Variants in CLUAP1 observed in about 807,000 individuals in gnomAD.
CLUAP1 encodes clusterin-associated protein 1.
In CLUAP1, 50 loss-of-function variants were observed where a neutral mutation model predicts 55.0. That is an observed-to-expected ratio of 0.91 (90% CI 0.72 to 1.15). CLUAP1 has a LOEUF of 1.15. CLUAP1 is among the 50% of genes most tolerant of loss of function. CLUAP1 has a pLI of 0.00. For synonymous variants in CLUAP1, 195 were observed against 175.4 expected, an observed-to-expected ratio of 1.11 and a Z score of -0.88; for missense variants, 530 against 507.6, an observed-to-expected ratio of 1.04 and a Z score of -0.42.
At position 3,537,662 on chromosome 16, in the gene CLUAP1, CTGTCTT is replaced by C. The variant is rs1278240328; in HGVS notation, c.*1393_*1398del. On this transcript the variant is annotated 3_prime_UTR_variant, in exon 12 of 12. Transcript: ENST00000576634. ...CCAGCCTGGGTGACAGAGTGAGACC[CTGTCTT>C]TAAAAAAAAGAAAAAGAAAAGCACG... 6.6e-6 allele frequency: 1 copy of C among 151,688 alleles called. No individual in the cohort carries two copies. Among genetic ancestry groups the C allele is most frequent in the African/African-American group, 2.4e-5 (1 of 41,238 alleles). The allele number at this position is 151,688 out of a possible 1,614,324, so 9.4% of individuals were successfully genotyped here. A position where few individuals can be genotyped will look rare whatever the true frequency, so the allele number is the denominator to read the frequency against.
intron 9 of CLUAP1, among the ~76,000 whole-genome samples, chr16:3,529,139 C>T (rs2038006215): frequency 6.6e-6 from 1 of 151,800 alleles, no homozygotes; most frequent in African/African-American, 2.4e-5. Flanking sequence ...TATGCACATC[C>T]TCCCATATAC....
chr16:3,496,376 C>G (rs1216112146), upstream of CLUAP1: 7 of 1,182,734 alleles, frequency 5.9e-6, no homozygotes, highest in South Asian at 4.8e-5. Flanking sequence ...TCGCACCAAC[C>G]GGCCACCTCT....
intron 4 of CLUAP1, among the ~76,000 whole-genome samples, chr16:3,509,308 A>G (rs897532857): frequency 1.3e-5 from 2 of 152,124 alleles, no homozygotes; most frequent in African/African-American, 4.8e-5. Context: ...CCGTGTGATG[A>G]GGGTTGGGAT....
chr16:3,505,617 A>C (rs1275683967), intron 2 of CLUAP1, among the ~76,000 whole-genome samples: 3 of 151,892 alleles, frequency 2.0e-5, no homozygotes, highest in Non-Finnish European at 4.4e-5. Flanking sequence ...TATACCAGGA[A>C]GTCGTGAAAG....
chr16:3,495,559 C>T, the CLUAP1 span: 1 of 1,486,698 alleles, frequency 6.7e-7, no homozygotes. Context: ...TCCCAGCCTT[C>T]CTGGACCCCT....
chr16:3,496,135 C>T (rs183859740), upstream of CLUAP1: 42 of 386,880 alleles, frequency 1.1e-4, no homozygotes, highest in Admixed American at 1.4e-3. Context: ...AGCGAGACTC[C>T]GTCTCAAAAA....
intron 8 of CLUAP1, among the ~76,000 whole-genome samples, chr16:3,525,044 C>T (rs1484056191): frequency 2.6e-5 from 4 of 152,092 alleles, no homozygotes; most frequent in East Asian, 1.9e-4. Flanking sequence ...TTTTGTTGTC[C>T]AGGAGGGCTA....
chr16:3,525,652 C>A (rs535957636), intron 8 of CLUAP1, among the ~76,000 whole-genome samples: 6 of 152,152 alleles, frequency 3.9e-5, no homozygotes, highest in Non-Finnish European at 8.8e-5. Flanking sequence ...TAGCTTCAGA[C>A]CTCTTGGGCT....
At chr16:3,515,629 C>G in intron 6 of CLUAP1, 38 bp downstream of exon 6, 1 of 1,388,022 alleles carries the variant, frequency 7.2e-7, no homozygotes, top group Non-Finnish European at 1.0e-6. Context: ...TTTTTTATGC[C>G]TGGGATTCAA....
rs1338138515 is a variant in CLUAP1, at chr16:3,538,701, A to G, written c.*2430A>G. The G allele has an allele frequency of 6.6e-6, 1 of 152,238 alleles. No homozygotes were observed. The highest frequency in any genetic ancestry group is 1.5e-5 in the Non-Finnish European group (1 of 68,046). The allele number at this position is 152,238 out of a possible 1,614,324, so 9.4% of individuals were successfully genotyped here. Reference sequence around the variant, plus strand: ...ATCTGTTAGTTAACTGACTTTGTGCAAGGTCTCACCATGTATAGCACTGCC... The same window carrying G: ...ATCTGTTAGTTAACTGACTTTGTGCGAGGTCTCACCATGTATAGCACTGCC... On this transcript the variant is annotated 3_prime_UTR_variant, in exon 12 of 12. Transcript: ENST00000576634.
chr16:3,514,308 C>A (rs1437978563), intron 5 of CLUAP1, among the ~76,000 whole-genome samples: 1 of 152,130 alleles, frequency 6.6e-6, no homozygotes, highest in African/African-American at 2.4e-5. Flanking sequence ...ACCATGAGAC[C>A]CTGAATGTAG....
In CLUAP1 at chr16:3,515,575, C is replaced by G. The variant is rs1486212605; in HGVS notation, c.563C>G (p.Ala188Gly). ...INETEKVMRI[A>G]IKEILTQVQK... Reference sequence around the variant, plus strand: ...GAGACTGAAAAAGTGATGAGAATTGCAATAAAAGAGATTTTGGTAAGATGA... The same window carrying G: ...GAGACTGAAAAAGTGATGAGAATTGGAATAAAAGAGATTTTGGTAAGATGA... The change falls in exon 6 of 12, where the codon GCA becomes GGA. Residue 188 changes from alanine (A) to glycine (G), a missense_variant. By Grantham distance (60) the Ala-to-Gly change is moderately conservative. Coordinates refer to ENST00000576634, the MANE Select transcript of CLUAP1 (RefSeq NM_015041.3). 2 of 1,591,260 alleles carry G rather than the reference C, an allele frequency of 1.3e-6. No homozygotes were observed. The highest frequency in any genetic ancestry group is 1.9e-5 in the Admixed American group (1 of 53,076).
At position 3,526,416 on chromosome 16, in the gene CLUAP1, C is replaced by G; in HGVS notation, c.860C>G (p.Ala287Gly). Residue 287 changes from alanine to glycine, a missense_variant, in exon 9 of 12, where the codon GCT becomes GGT. Transcript: ENST00000576634. ...HRMEQERFEE[A>G]KNTLCLIQNK... Reference sequence around the variant, plus strand: ...TCTGTATTTCCTCTTCCACAGGAAGCTAAAAACACTCTCTGCCTGATACAG... The same window carrying G: ...TCTGTATTTCCTCTTCCACAGGAAGGTAAAAACACTCTCTGCCTGATACAG... 6.2e-7 allele frequency: 1 copy of G among 1,603,420 alleles called. No individual in the cohort carries two copies. Among genetic ancestry groups the G allele is most frequent in the East Asian group, 2.2e-5 (1 of 44,508 alleles).
At chr16:3,510,917 A>G (rs2037612302) in intron 4 of CLUAP1, among the ~76,000 whole-genome samples, 1 of 152,176 alleles carries the variant, frequency 6.6e-6, no homozygotes. Context: ...AGCCCAGGGA[A>G]AGCCCAGGCT....
chr16:3,533,248 T>A, intron 11 of CLUAP1: 2 of 992,648 alleles, frequency 2.0e-6, no homozygotes, highest in Non-Finnish European at 3.0e-6. Flanking sequence ...ATGCTTCCTC[T>A]CTCCTGGGCA....
chr16:3,521,089 C>G (rs1334801839), intron 7 of CLUAP1, among the ~76,000 whole-genome samples: 1 of 152,052 alleles, frequency 6.6e-6, no homozygotes, highest in Non-Finnish European at 1.5e-5. Flanking sequence ...AGGGAGCGCC[C>G]TGGCTCCTCC....
chr16:3,533,401 T>C (rs1027913548), intron 11 of CLUAP1: 9 of 531,186 alleles, frequency 1.7e-5, no homozygotes, highest in African/African-American at 1.3e-4. Context: ...CACCTAGAAA[T>C]GAAGGAGGAC....
chr16:3,533,440 C>A, intron 11 of CLUAP1: 2 of 456,672 alleles, frequency 4.4e-6, no homozygotes, highest in East Asian at 4.0e-5. Flanking sequence ...GACCAACCCC[C>A]CTCCCTGTTC....
intron 5 of CLUAP1, 195 bp from the exon 6 acceptor site, chr16:3,515,313 T>C (rs1270681284): frequency 4.3e-6 from 2 of 464,306 alleles, no homozygotes; most frequent in Admixed American, 8.9e-5. Flanking sequence ...GACCTTGAGC[T>C]CTGGAGAGAG....
Sources: gnomAD v4.1 joint callset for allele counts (sites outside exome capture counted in the v4.1 genomes callset) on GRCh38, gnomAD v4.1.1 for gene constraint, MANE v1.5 for transcripts, NCBI Gene and HGNC (gene_info 2026-07-23, HGNC 2026-07-21) for gene names.